The following ATP11C variants were observed in gnomAD, a reference collection of about 807,000 sequenced individuals.
ATP11C encodes the protein ATPase phospholipid transporting 11C (ATP11C blood group), also known as phospholipid-transporting ATPase IG.
Under a neutral mutation model 97.4 loss-of-function variants are expected in ATP11C, and 36 were observed. That is an observed-to-expected ratio of 0.37 (90% CI 0.28 to 0.49). The LOEUF is 0.49. Among genes scored for constraint, ATP11C ranks in the 20% least tolerant of loss-of-function variants. The pLI is 0.98. For missense variants in ATP11C, 730 were observed against 824.6 expected (o/e 0.89, Z 1.40); for synonymous variants, 275 against 290.9 (o/e 0.95, Z 0.56).
At chrX:139,928,113 G>A (rs2085380962) in intron 1 of ATP11C, among the ~76,000 whole-genome samples, 1 of 111,278 alleles carries the variant, frequency 9.0e-6, no homozygotes, top group Admixed American at 9.6e-5. Flanking sequence ...GCATGTCCTA[G>A]GGCATCAGTG....
chrX:139,815,640 A>C lies in ATP11C; in HGVS notation c.319-655T>G, dbSNP rs1332908177. On this transcript the variant is annotated intron_variant, in intron 4 of 29. Coordinates refer to ENST00000682941, the MANE Select transcript of ATP11C (RefSeq NM_001353812.2). ...TCATTTTACTTTGGACTTTTCATCT[A>C]AAGTAGATTTAAGCCAAAAGATCTA... Among the ~76,000 whole-genome samples, 3 of 112,184 alleles carry C rather than the reference A, an allele frequency of 2.7e-5. No individual in the cohort carries two copies. In the South Asian group the frequency reaches 1.1e-3, roughly 42 times the overall value.
intron 18 of ATP11C, among the ~76,000 whole-genome samples, chrX:139,780,329 G>T (rs982175412): frequency 2.7e-5 from 3 of 111,536 alleles, no homozygotes; most frequent in African/African-American, 9.8e-5. Flanking sequence ...GAAACCAGCA[G>T]CACATCAGAA....
intron 14 of ATP11C, among the ~76,000 whole-genome samples, 166 bp from the exon 15 acceptor site, chrX:139,787,410 G>A (rs1416280217): frequency 9.0e-6 from 1 of 111,317 alleles, no homozygotes; most frequent in African/African-American, 3.3e-5. Flanking sequence ...CGATTCTCCT[G>A]CCTCAACCTC....
intron 5 of ATP11C, among the ~76,000 whole-genome samples, chrX:139,811,979 T>G (rs2083185599): frequency 8.9e-6 from 1 of 111,877 alleles, no homozygotes. Flanking sequence ...CTTATCATTT[T>G]TTGCCTAAGC....
At chrX:139,866,447 G>A (rs991625874) in intron 1 of ATP11C, among the ~76,000 whole-genome samples, 45 of 108,338 alleles carry the variant, frequency 4.2e-4, no homozygotes, top group Non-Finnish European at 5.7e-4. Context: ...GCCAGGCATC[G>A]TGGCTCACCC....
chrX:139,876,898 CAAG>C (rs2084483452), intron 1 of ATP11C, among the ~76,000 whole-genome samples: 1 of 112,432 alleles, frequency 8.9e-6, no homozygotes, highest in African/African-American at 3.2e-5. Context: ...TTAAAATAGA[CAAG>C]AAATGCCTGC....
chrX:139,879,188 A>G (rs1047214221), intron 1 of ATP11C, among the ~76,000 whole-genome samples: 1 of 111,270 alleles, frequency 9.0e-6, no homozygotes, highest in Non-Finnish European at 1.9e-5. Flanking sequence ...AAGGAAATAA[A>G]ATCAGTATCT....
At chrX:139,828,372 G>A in intron 1 of ATP11C, among the ~76,000 whole-genome samples, 1 of 111,828 alleles carries the variant, frequency 8.9e-6, no homozygotes, top group Non-Finnish European at 1.9e-5. Context: ...TAATATACAG[G>A]TTCTGACACA....
chrX:139,783,910 T>A (rs1476261907), intron 16 of ATP11C, among the ~76,000 whole-genome samples: 1 of 110,201 alleles, frequency 9.1e-6, no homozygotes, highest in Non-Finnish European at 1.9e-5. Flanking sequence ...AGAGCACACA[T>A]ATGGCATCTA....
chrX:139,777,834 C>T (rs1263680074), intron 18 of ATP11C, among the ~76,000 whole-genome samples: 1 of 108,966 alleles, frequency 9.2e-6, no homozygotes, highest in Non-Finnish European at 1.9e-5. Context: ...CAGCAGAAAT[C>T]TTAGAAGCCA....
chrX:139,800,260 A>G lies in ATP11C; in HGVS notation c.660-150T>C, dbSNP rs2082899489. ...CAAAAGCCTATTATATTTCTGGGGG[A>G]AAAAAAGTTATGTTGAATTGATAAG... On this transcript the variant is annotated intron_variant, in intron 7 of 29. Coordinates refer to ENST00000682941, the MANE Select transcript of ATP11C (RefSeq NM_001353812.2). The G allele has an allele frequency of 2.7e-5, 12 of 438,520 alleles. No individual in the cohort carries two copies. The South Asian group carries it at 4.4e-4, about 16-fold the overall frequency. 36.1% of individuals were successfully genotyped at this position (438,520 alleles called of 1,213,427 possible). A position where few individuals can be genotyped will look rare whatever the true frequency, so the allele number is the denominator to read the frequency against.
intron 2 of ATP11C, among the ~76,000 whole-genome samples, chrX:139,820,417 A>AAAAT (rs1026987862): frequency 2.7e-5 from 3 of 110,387 alleles, no homozygotes; most frequent in Non-Finnish European, 3.8e-5. Context: ...AATAAATAAT[A>AAAAT]AAATAAATAA....
Position 139,932,707 on chromosome X carries a change from C to G in ATP11C, c.-665G>C, listed in dbSNP as rs2085462313. 8.8e-6 allele frequency: 1 copy of G among 113,032 alleles called. No individual in the cohort carries two copies. The highest frequency in any genetic ancestry group is 9.2e-5 in the Admixed American group (1 of 10,825). 9.3% of individuals were successfully genotyped at this position (113,032 alleles called of 1,213,427 possible). The stretch of plus-strand genomic sequence containing the variant: ...TCGGTCCGCGGCTGCCGCGCCGCCC[C>G]GCGCTCTGGTCCCGCACTCGGGCCA... On this transcript the variant is annotated 5_prime_UTR_variant, in exon 1 of 30. Transcript: ENST00000682941.
chrX:139,931,378 G>A (rs758444561), intron 1 of ATP11C, among the ~76,000 whole-genome samples: 27 of 112,240 alleles, frequency 2.4e-4, no homozygotes, highest in African/African-American at 8.7e-4. Context: ...AGCACGGGCA[G>A]TGGCGGCGCA....
intron 1 of ATP11C, among the ~76,000 whole-genome samples, chrX:139,902,374 C>A (rs766664520): frequency 9.0e-6 from 1 of 111,520 alleles, no homozygotes; most frequent in African/African-American, 3.3e-5. Flanking sequence ...CCTAAATTAA[C>A]TGGACCTATC....
At position 139,880,535 on chromosome X, in the gene ATP11C, T is replaced by C. The variant is rs749816764; in HGVS notation, c.27+51481A>G. 1.7e-4 allele frequency among the ~76,000 whole-genome samples: 19 copies of C among 111,131 alleles called. 1 individual carries two copies. The highest frequency in any genetic ancestry group is 4.8e-4 in the Admixed American group (5 of 10,364). On this transcript the variant is annotated intron_variant, in intron 1 of 29. Coordinates refer to ENST00000682941, the MANE Select transcript of ATP11C (RefSeq NM_001353812.2). The stretch of plus-strand genomic sequence containing the variant: ...AGTTCTTGATGTAATCAGGCAAAAC[T>C]TGGAAAACAAAGGAGGAAGATGGTT...
intron 2 of ATP11C, among the ~76,000 whole-genome samples, chrX:139,822,420 T>C (rs191779849): frequency 3.2e-4 from 28 of 86,752 alleles, no homozygotes; most frequent in Middle Eastern, 4.8e-3. Flanking sequence ...TGTTTGTTTG[T>C]TTGTTTTTTT....
rs1255350200 is a variant in ATP11C, at chrX:139,797,194, T to G, written c.990A>C (p.Lys330Asn). Residue 330 changes from lysine (K) to asparagine (N), a missense_variant, in exon 11 of 30, where the codon AAA (lysine) becomes AAC (asparagine). Lys to Asn is a moderately conservative substitution (Grantham distance 94). Transcript: ENST00000682941. ...AAATTACCTTCAAGGTCTCTCGCTC[T>G]TTCTGAGTCTTTTGGTTATACCAAG... Reference protein sequence around the residue: ...DEPWYNQKTQKERETLKVLKM... With the variant: ...DEPWYNQKTQNERETLKVLKM... 1 of 1,200,928 alleles carries G rather than the reference T, an allele frequency of 8.3e-7. No individual in the cohort carries two copies. Among genetic ancestry groups the G allele is most frequent in the East Asian group, 3.0e-5 (1 of 33,381 alleles).
chrX:139,899,306 C>T (rs1869910278), intron 1 of ATP11C, among the ~76,000 whole-genome samples: 1 of 110,185 alleles, frequency 9.1e-6, no homozygotes, highest in South Asian at 3.9e-4. Flanking sequence ...CATGGTGAAA[C>T]CCCATCTCTA....
Sources: gnomAD v4.1 joint callset for allele counts (sites outside exome capture counted in the v4.1 genomes callset) on GRCh38, gnomAD v4.1.1 for gene constraint, MANE v1.5 for transcripts, NCBI Gene and HGNC (gene_info 2026-07-23, HGNC 2026-07-21) for gene names.